DPH6: variants seen among roughly 807,000 people sequenced by gnomAD.
DPH6 encodes diphthine--ammonia ligase.
DPH6 carries 33 observed loss-of-function variants against 38.2 expected under a neutral mutation model. The observed-to-expected ratio is 0.86, with a 90% CI of 0.65 to 1.15. The LOEUF (loss-of-function observed/expected upper bound fraction) is 1.15, where lower values mean the gene tolerates loss of function less well. Ranked by LOEUF, DPH6 falls within the 50% of genes most tolerant of loss-of-function variation. The pLI is 0.00. For missense variants in DPH6, 325 were observed against 320.0 expected (o/e 1.02, Z -0.12); for synonymous variants, 108 against 103.0 (o/e 1.05, Z -0.30).
chr15:35,146,067 TTCTG>T, the DPH6 span, among the ~76,000 whole-genome samples: 5 of 116,508 alleles, frequency 4.3e-5, no homozygotes, highest in Non-Finnish European at 8.9e-5. Context: ...GGCTTATAGT[TTCTG>T]TGTGTGTGTG....
chr15:35,185,909 T>G, the DPH6 span, among the ~76,000 whole-genome samples: 611 of 151,886 alleles, frequency 4.0e-3, 1 homozygote, highest in Non-Finnish European at 5.6e-3. Context: ...ATTTTTTTTG[T>G]GTTTTTAGTA....
chr15:35,229,807 T>C (rs1024710097), intron 3 of DPH6, among the ~76,000 whole-genome samples: 1 of 152,214 alleles, frequency 6.6e-6, no homozygotes, highest in African/African-American at 2.4e-5. Flanking sequence ...TATACTGCCT[T>C]GACTGGACAA....
intron 3 of DPH6, among the ~76,000 whole-genome samples, chr15:35,455,409 G>A (rs1265540510): frequency 6.6e-6 from 1 of 152,146 alleles, no homozygotes; most frequent in African/African-American, 2.4e-5. Context: ...GCATCCAGCA[G>A]TATATACAGC....
chr15:35,294,078 G>C (rs537198788), intron 3 of DPH6, among the ~76,000 whole-genome samples: 1 of 152,142 alleles, frequency 6.6e-6, no homozygotes, highest in East Asian at 1.9e-4. Flanking sequence ...GCTTTGGCAC[G>C]ACCACACTCC....
chr15:35,227,925 T>C (rs2051493398), intron 3 of DPH6, among the ~76,000 whole-genome samples: 1 of 152,190 alleles, frequency 6.6e-6, no homozygotes, highest in Non-Finnish European at 1.5e-5. Flanking sequence ...CATGTATTTG[T>C]ATAGTTTCCA....
chr15:35,429,379 C>T (rs986199624), intron 5 of DPH6, among the ~76,000 whole-genome samples: 1 of 152,020 alleles, frequency 6.6e-6, no homozygotes, highest in African/African-American at 2.4e-5. Flanking sequence ...CATTTTTAGT[C>T]CCTAATTCCA....
the DPH6 span, among the ~76,000 whole-genome samples, chr15:35,209,552 C>T: frequency 6.6e-6 from 1 of 152,160 alleles, no homozygotes; most frequent in East Asian, 1.9e-4. Context: ...TGAATCTTAG[C>T]ACAAGTGAAT....
chr15:35,301,313 C>T lies in DPH6; in HGVS notation n.200+72208G>A, dbSNP rs1014257493. Reference sequence around the variant, plus strand: ...ACCAGGACTGTGCAGACATACTGAGCTCTAAGGTCACTCTGTTTATAACAT... The same window carrying T: ...ACCAGGACTGTGCAGACATACTGAGTTCTAAGGTCACTCTGTTTATAACAT... On this transcript the variant is annotated intron_variant and non_coding_transcript_variant, in intron 3 of 3. Coordinates refer to the DPH6 transcript ENST00000560386. 2.0e-5 allele frequency among the ~76,000 whole-genome samples: 3 copies of T among 152,320 alleles called. No individual in the cohort carries two copies. The East Asian group carries it at 5.8e-4, about 29-fold the overall frequency.
chr15:35,399,721 A>T (rs2053192460), intron 6 of DPH6, among the ~76,000 whole-genome samples: 1 of 152,252 alleles, frequency 6.6e-6, no homozygotes, highest in Admixed American at 6.5e-5. Flanking sequence ...CCAAGCTACA[A>T]GGCAATGAAG....
At chr15:35,336,077 T>G (rs1595485215) in intron 3 of DPH6, among the ~76,000 whole-genome samples, 1 of 152,324 alleles carries the variant, frequency 6.6e-6, no homozygotes, top group African/African-American at 2.4e-5. Context: ...TAGTTCTTCT[T>G]GAAGAGATTC....
chr15:35,388,834 T>G (rs2053010453), intron 6 of DPH6, among the ~76,000 whole-genome samples: 1 of 152,246 alleles, frequency 6.6e-6, no homozygotes, highest in South Asian at 2.1e-4. Context: ...TTTGTGTCTC[T>G]ATTTCCTTCA....
At chr15:35,463,344 C>A (rs946171260) in intron 3 of DPH6, among the ~76,000 whole-genome samples, 1 of 148,304 alleles carries the variant, frequency 6.7e-6, no homozygotes, top group Non-Finnish European at 1.5e-5. Context: ...TCCAGAAATG[C>A]AGTCTATAAA....
intron 3 of DPH6, among the ~76,000 whole-genome samples, chr15:35,461,034 G>A (rs987080157): frequency 1.3e-5 from 2 of 151,662 alleles, no homozygotes; most frequent in Admixed American, 1.3e-4. Context: ...AAGAATCCAA[G>A]AGCTGAATCT....
chr15:35,533,986 T>G lies in DPH6; in HGVS notation c.312+4288A>C, dbSNP rs571571844. Reference sequence around the variant, plus strand: ...AAAGCATTCACAGTCAGCTTTCCTCTTGTATTATTCTTGGATATGAAAAGG... The same window carrying G: ...AAAGCATTCACAGTCAGCTTTCCTCGTGTATTATTCTTGGATATGAAAAGG... On this transcript the variant is annotated intron_variant, in intron 3 of 8. Transcript: ENST00000256538. Among the ~76,000 whole-genome samples, 4 of 152,196 alleles carry G rather than the reference T, an allele frequency of 2.6e-5. No homozygotes were observed. The South Asian group carries it at 8.3e-4, about 32-fold the overall frequency.
chr15:35,544,661 T>C (rs2055316996), intron 1 of DPH6, among the ~76,000 whole-genome samples: 1 of 152,234 alleles, frequency 6.6e-6, no homozygotes, highest in Non-Finnish European at 1.5e-5. Flanking sequence ...TACGTATTCA[T>C]ACTTACAGCA....
At chr15:35,258,876 CGGT>C (rs2051725064) in intron 3 of DPH6, among the ~76,000 whole-genome samples, 1 of 152,062 alleles carries the variant, frequency 6.6e-6, no homozygotes, top group Non-Finnish European at 1.5e-5. Context: ...GGGCCGGGCA[CGGT>C]GGCTCACACC....
At chr15:35,304,191 A>G (rs2052072754) in intron 3 of DPH6, among the ~76,000 whole-genome samples, 1 of 152,164 alleles carries the variant, frequency 6.6e-6, no homozygotes, top group Non-Finnish European at 1.5e-5. Context: ...TCACATGAGG[A>G]AACAGAAAAT....
intron 7 of DPH6, 131 bp downstream of exon 7, chr15:35,381,691 A>G: frequency 1.4e-6 from 1 of 708,158 alleles, no homozygotes. Context: ...GGTATTAAAC[A>G]AATTGAGTGT....
intron 3 of DPH6, among the ~76,000 whole-genome samples, chr15:35,537,686 C>G (rs2055190561): frequency 6.6e-6 from 1 of 152,100 alleles, no homozygotes; most frequent in Non-Finnish European, 1.5e-5. Flanking sequence ...CTCTCATTTT[C>G]TTTACATCTA....
Sources: gnomAD v4.1 joint callset for allele counts (sites outside exome capture counted in the v4.1 genomes callset) on GRCh38, gnomAD v4.1.1 for gene constraint, MANE v1.5 for transcripts, NCBI Gene and HGNC (gene_info 2026-07-23, HGNC 2026-07-21) for gene names.